ICA1: variants seen among roughly 807,000 people sequenced by gnomAD.
The protein encoded by ICA1 is 69 kDa islet cell autoantigen.
A neutral mutation model predicts 71.0 loss-of-function variants in ICA1; 40 were observed. The ratio of observed to expected loss-of-function variants is 0.56; its 90% CI spans 0.44 to 0.73. The LOEUF is 0.73. Among genes scored for constraint, ICA1 ranks in the 30% least tolerant of loss-of-function variants. ICA1 has a pLI of 0.00. For missense variants in ICA1, 578 were observed against 576.5 expected, an observed-to-expected ratio of 1.00 and a Z score of -0.03; for synonymous variants, 207 against 209.5, an observed-to-expected ratio of 0.99 and a Z score of 0.10.
intron 13 of ICA1, among the ~76,000 whole-genome samples, chr7:8,127,442 A>C (rs1322873636): frequency 6.6e-6 from 1 of 152,144 alleles, no homozygotes; most frequent in African/African-American, 2.4e-5. Context: ...GGGAGCAGAA[A>C]TGCAAGATAA....
At position 8,169,304 on chromosome 7, in the gene ICA1, G is replaced by C. The variant is rs577289652; in HGVS notation, c.580-10652C>G. Among the ~76,000 whole-genome samples, 16 of 152,150 alleles carry C rather than the reference G, an allele frequency of 1.1e-4. No individual in the cohort carries two copies. The South Asian group carries it at 3.3e-3, about 32-fold the overall frequency. On this transcript the variant is annotated intron_variant, in intron 6 of 13. Transcript: ENST00000402384. ...ATTGTTTCCAATTTTTGGTGATTTT[G>C]AGTAAAGCTGTTATAAATATTTGAG...
intron 13 of ICA1, among the ~76,000 whole-genome samples, chr7:8,116,911 T>A (rs1437018920): frequency 1.3e-5 from 2 of 152,204 alleles, no homozygotes; most frequent in African/African-American, 4.8e-5. Flanking sequence ...GGTATTTGGC[T>A]TGTGATATGG....
At chr7:8,158,302 A>G in intron 7 of ICA1, 1 of 513,442 alleles carries the variant, frequency 1.9e-6, no homozygotes, top group South Asian at 2.7e-5. Context: ...GGGACCCCAT[A>G]AGTAAATGTA....
At chr7:8,117,934 C>G (rs1406409432) in intron 13 of ICA1, among the ~76,000 whole-genome samples, 1 of 152,212 alleles carries the variant, frequency 6.6e-6, no homozygotes, top group African/African-American at 2.4e-5. Flanking sequence ...TTTACACTTT[C>G]ATCTCATTTC....
intron 6 of ICA1, among the ~76,000 whole-genome samples, chr7:8,193,284 T>C (rs1786336832): frequency 6.6e-6 from 1 of 152,232 alleles, no homozygotes; most frequent in South Asian, 2.1e-4. Flanking sequence ...CATGTATGTG[T>C]GTATGTATCA....
intron 1 of ICA1, among the ~76,000 whole-genome samples, chr7:8,256,231 C>G (rs1161962632): frequency 2.0e-5 from 3 of 152,190 alleles, no homozygotes; most frequent in Non-Finnish European, 4.4e-5. Flanking sequence ...ACTGCCCGAC[C>G]TATCACTATA....
intron 6 of ICA1, among the ~76,000 whole-genome samples, chr7:8,168,814 G>A (rs1807135332): frequency 6.6e-6 from 1 of 152,096 alleles, no homozygotes; most frequent in Non-Finnish European, 1.5e-5. Context: ...GCACCTTGGA[G>A]ATGATGCCTC....
chr7:8,168,261 G>T (rs887886661), intron 6 of ICA1, among the ~76,000 whole-genome samples: 1 of 152,052 alleles, frequency 6.6e-6, no homozygotes, highest in Admixed American at 6.6e-5. Flanking sequence ...CATGATAAAG[G>T]TTTCTTTTTA....
intron 1 of ICA1, chr7:8,236,901 C>CA (rs1431452472): frequency 6.6e-6 from 1 of 152,294 alleles, no homozygotes; most frequent in Admixed American, 6.5e-5. Context: ...TGAGTGCTCA[C>CA]AGCATATGAA....
intron 1 of ICA1, among the ~76,000 whole-genome samples, chr7:8,237,700 T>C (rs1170824371): frequency 1.3e-5 from 2 of 152,198 alleles, no homozygotes; most frequent in Non-Finnish European, 2.9e-5. Flanking sequence ...TTTGTGTTCT[T>C]GTGATTGGCT....
intron 13 of ICA1, among the ~76,000 whole-genome samples, chr7:8,126,575 C>A (rs1789279165): frequency 1.3e-5 from 2 of 151,820 alleles, no homozygotes; most frequent in Admixed American, 1.3e-4. Flanking sequence ...TGCCCACCAA[C>A]TCTTGTGTCC....
chr7:8,121,476 T>C (rs73235836), intron 13 of ICA1, among the ~76,000 whole-genome samples: 14,493 of 152,228 alleles, frequency 0.095, 1,317 homozygotes, highest in African/African-American at 0.23. Flanking sequence ...GAAGACATTA[T>C]GTTAAGTGAA....
At chr7:8,183,606 G>A (rs1421290059) in intron 6 of ICA1, among the ~76,000 whole-genome samples, 1 of 152,198 alleles carries the variant, frequency 6.6e-6, no homozygotes, top group African/African-American at 2.4e-5. Flanking sequence ...TCCTGCCTTT[G>A]TAACCCTGAG....
chr7:8,232,647 C>A lies in ICA1; in HGVS notation c.126G>T (p.Gly42=). The change falls in exon 3 of 14, where the codon GGG becomes GGT. Residue 42 remains glycine (G), a synonymous_variant. Coordinates refer to ENST00000402384, the MANE Select transcript of ICA1 (RefSeq NM_001136020.3). ...CAACAACATGTTCATCTTCCTTCTT[C>A]CCTGTGGCTTTAATAAAGGCCTGCT... The part of the protein sequence containing the change: ...ETKQAFIKAT[G]KKEDEHVVAS... 1 of 1,613,660 alleles carries A rather than the reference C, an allele frequency of 6.2e-7. No homozygotes were observed. Among genetic ancestry groups the A allele is most frequent in the Non-Finnish European group, 8.5e-7 (1 of 1,179,770 alleles).
At chr7:8,198,131 A>G (rs1788323468) in intron 6 of ICA1, among the ~76,000 whole-genome samples, 1 of 152,248 alleles carries the variant, frequency 6.6e-6, no homozygotes, top group Non-Finnish European at 1.5e-5. Context: ...CCTATGGCAG[A>G]AAATGTGGTT....
chr7:8,128,078 C>T lies in ICA1; in HGVS notation c.1125G>A (p.Leu375=). 1 of 1,614,210 alleles carries T rather than the reference C, an allele frequency of 6.2e-7. No homozygotes were observed. The highest frequency in any genetic ancestry group is 8.5e-7 in the Non-Finnish European group (1 of 1,180,040). Residue 375 remains leucine (L), a synonymous_variant, in exon 13 of 14, where the codon CTG becomes CTA. Transcript: ENST00000402384. ...AGGAAGCATTGAAGATCTCACTCAA[C>T]AGCAGCAGGTCATCTTTGTCAGCAC... The part of the protein sequence containing the change: ...PEGADKDDLL[L]LSEIFNASSL...
In ICA1 at chr7:8,114,059, G is replaced by A. The variant is rs779896186; in HGVS notation, c.1331-15C>T. On this transcript the variant is annotated splice_polypyrimidine_tract_variant and intron_variant, in intron 13 of 13. Transcript: ENST00000402384. ...CTTAGCAGGTTCTGGGGAGAGAAGAGGAAACATGAGCAAACGCACCTTCCA... is the reference window on the plus strand; with the variant it reads ...CTTAGCAGGTTCTGGGGAGAGAAGAAGAAACATGAGCAAACGCACCTTCCA... 6.2e-7 allele frequency: 1 copy of A among 1,614,056 alleles called. No homozygotes were observed. Among genetic ancestry groups the A allele is most frequent in the Non-Finnish European group, 8.5e-7 (1 of 1,179,958 alleles).
Position 8,221,355 on chromosome 7 carries a change from G to A in ICA1, c.300C>T (p.Ser100=). 1 of 1,613,580 alleles carries A rather than the reference G, an allele frequency of 6.2e-7. No homozygotes were observed. The highest frequency in any genetic ancestry group is 2.2e-5 in the East Asian group (1 of 44,864). The change falls in exon 5 of 14, where the codon TCC becomes TCT. Residue 100 remains serine, a synonymous_variant. Transcript: ENST00000402384. ...CTCTGGTTTTATCTTGGAAACCTTG[G>A]GATCGAAGAAATTTTCCCAGTTCGT... ...EENELGKFLR[S]QGFQDKTRAG... is the part of the protein sequence containing the mutation.
chr7:8,129,406 T>C (rs1790592727), intron 12 of ICA1, among the ~76,000 whole-genome samples: 1 of 152,030 alleles, frequency 6.6e-6, no homozygotes, highest in African/African-American at 2.4e-5. Context: ...GTGTTGGCTT[T>C]ACTGGATCTA....
Sources: allele counts gnomAD v4.1 joint callset (sites outside exome capture counted in the v4.1 genomes callset), GRCh38; gene constraint gnomAD v4.1.1; transcripts MANE v1.5; gene names NCBI Gene and HGNC (gene_info 2026-07-23, HGNC 2026-07-21).